The following CRADD variants were observed in gnomAD, a reference collection of about 807,000 sequenced individuals.
CRADD encodes CARD and death domain containing adaptor protein, also known as death domain-containing protein CRADD.
A neutral mutation model predicts 15.5 loss-of-function variants in CRADD; 9 were observed. The ratio of observed to expected loss-of-function variants is 0.58; its 90% CI spans 0.35 to 1.01. The LOEUF (loss-of-function observed/expected upper bound fraction) is 1.01, where lower values mean the gene tolerates loss of function less well. Among genes scored for constraint, CRADD ranks in the 50% least tolerant of loss-of-function variants. The pLI is 0.02. For synonymous variants in CRADD, 118 were observed against 107.6 expected (o/e 1.10, Z -0.60); for missense variants, 227 against 250.3 (o/e 0.91, Z 0.63).
chr12:93,689,904 A>G (rs78054082), intron 2 of CRADD, among the ~76,000 whole-genome samples: 1,984 of 152,318 alleles, frequency 0.013, 30 homozygotes, highest in African/African-American at 0.044. Context: ...TTAGAGTTGG[A>G]AGGGATCTTA....
intron 2 of CRADD, among the ~76,000 whole-genome samples, chr12:93,775,053 A>T (rs1338923077): frequency 6.6e-6 from 1 of 152,216 alleles, no homozygotes; most frequent in African/African-American, 2.4e-5. Context: ...CCAGTTGTGG[A>T]TGTGCATTGA....
intron 2 of CRADD, among the ~76,000 whole-genome samples, chr12:93,697,341 G>T (rs1565876146): frequency 6.6e-6 from 1 of 152,202 alleles, no homozygotes; most frequent in East Asian, 1.9e-4. Flanking sequence ...GCTGCGGGAG[G>T]ACACAGTGTT....
At chr12:93,691,855 C>T (rs1022076270) in intron 2 of CRADD, among the ~76,000 whole-genome samples, 2 of 151,796 alleles carry the variant, frequency 1.3e-5, no homozygotes, top group African/African-American at 2.4e-5. Flanking sequence ...TAATAAATGA[C>T]CAAAATGAGA....
chr12:93,717,163 C>CTG (rs1249724245), intron 2 of CRADD, among the ~76,000 whole-genome samples: 3 of 152,196 alleles, frequency 2.0e-5, no homozygotes, highest in Non-Finnish European at 2.9e-5. Flanking sequence ...TACTTGCCAT[C>CTG]TGTATATCTT....
chr12:93,782,552 C>T (rs1419125011), intron 2 of CRADD, among the ~76,000 whole-genome samples: 1 of 151,062 alleles, frequency 6.6e-6, no homozygotes, highest in Non-Finnish European at 1.5e-5. Context: ...TGAGATCACG[C>T]CACTGCACTC....
chr12:93,867,405 T>TGTATATATA (rs1207739624), intron 2 of CRADD, among the ~76,000 whole-genome samples: 1 of 102,072 alleles, frequency 9.8e-6, no homozygotes, highest in East Asian at 3.2e-4. Flanking sequence ...ATATATATAT[T>TGTATATATA]TTTTAAACTT....
chr12:93,828,357 G>A (rs997046376), intron 2 of CRADD, among the ~76,000 whole-genome samples: 1 of 152,156 alleles, frequency 6.6e-6, no homozygotes, highest in African/African-American at 2.4e-5. Flanking sequence ...CATGCTTTTA[G>A]TATGGTGCCA....
chr12:93,716,813 T>G (rs1160091885), intron 2 of CRADD, among the ~76,000 whole-genome samples: 1 of 152,248 alleles, frequency 6.6e-6, no homozygotes, highest in African/African-American at 2.4e-5. Context: ...GTTTTGGCAA[T>G]TATGAATAAA....
At chr12:93,795,002 C>G (rs1957398418) in intron 2 of CRADD, among the ~76,000 whole-genome samples, 1 of 152,166 alleles carries the variant, frequency 6.6e-6, no homozygotes. Flanking sequence ...CCTGACCACC[C>G]TATGTAAAGT....
chr12:93,888,581 C>CTAAATCA (rs1415299244), intron 2 of CRADD, among the ~76,000 whole-genome samples: 1 of 152,056 alleles, frequency 6.6e-6, no homozygotes, highest in Non-Finnish European at 1.5e-5. Context: ...GGTCATCATT[C>CTAAATCA]TGTGCATGTG....
intron 2 of CRADD, among the ~76,000 whole-genome samples, chr12:93,808,479 T>C (rs1957574470): frequency 6.6e-6 from 1 of 152,108 alleles, no homozygotes; most frequent in Non-Finnish European, 1.5e-5. Context: ...ATTATTACAA[T>C]TCAAGGTGAG....
At chr12:93,692,468 C>G (rs889355770) in intron 2 of CRADD, among the ~76,000 whole-genome samples, 1 of 152,106 alleles carries the variant, frequency 6.6e-6, no homozygotes, top group East Asian at 1.9e-4. Context: ...AAGACCCTGA[C>G]AGCAGCAAGA....
chr12:93,699,094 G>A (rs190692405), intron 2 of CRADD, among the ~76,000 whole-genome samples: 124 of 152,228 alleles, frequency 8.1e-4, no homozygotes, highest in Non-Finnish European at 1.4e-3. Context: ...TCTTATGACC[G>A]GAATCAGCTT....
chr12:93,781,993 G>T (rs890467159), intron 2 of CRADD, among the ~76,000 whole-genome samples: 1 of 152,062 alleles, frequency 6.6e-6, no homozygotes, highest in African/African-American at 2.4e-5. Context: ...CCATTACTGG[G>T]TATATACCCA....
downstream of CRADD, among the ~76,000 whole-genome samples, chr12:93,853,955 G>T (rs2137053655): frequency 6.6e-6 from 1 of 152,326 alleles, no homozygotes; most frequent in Middle Eastern, 3.4e-3. Flanking sequence ...GTGATGCAAG[G>T]AAGGGAGTGT....
At chr12:93,873,898 G>A (rs1565945666) in intron 2 of CRADD, among the ~76,000 whole-genome samples, 1 of 151,834 alleles carries the variant, frequency 6.6e-6, no homozygotes, top group African/African-American at 2.4e-5. Context: ...GTGTGTTTGT[G>A]TGTGCGTGTG....
chr12:93,693,460 A>G (rs922404316), intron 2 of CRADD, among the ~76,000 whole-genome samples: 1 of 152,088 alleles, frequency 6.6e-6, no homozygotes, highest in Non-Finnish European at 1.5e-5. Flanking sequence ...ATGTCAGACC[A>G]AGTAGATTTT....
chr12:93,687,926 A>G (rs1002825466), intron 2 of CRADD, among the ~76,000 whole-genome samples: 1 of 152,180 alleles, frequency 6.6e-6, no homozygotes, highest in East Asian at 1.9e-4. Flanking sequence ...TTGCTAGTGA[A>G]TTTGAATTTG....
intron 2 of CRADD, among the ~76,000 whole-genome samples, chr12:93,711,695 G>T (rs1956077191): frequency 1.3e-5 from 2 of 151,642 alleles, no homozygotes. Context: ...TGTGTGGCTG[G>T]TTCTTCATTC....
Sources: gnomAD v4.1 joint callset for allele counts (sites outside exome capture counted in the v4.1 genomes callset) on GRCh38, gnomAD v4.1.1 for gene constraint, MANE v1.5 for transcripts, NCBI Gene and HGNC (gene_info 2026-07-23, HGNC 2026-07-21) for gene names.